The following IGSF10 variants were observed in gnomAD, a reference collection of about 807,000 sequenced individuals.
IGSF10 encodes immunoglobulin superfamily member 10, also known as calvaria mechanical force protein 608.
In IGSF10, 126 loss-of-function variants were observed where a neutral mutation model predicts 128.2. The observed-to-expected ratio is 0.98, with a 90% CI of 0.85 to 1.14. The LOEUF (loss-of-function observed/expected upper bound fraction) is 1.14. IGSF10 is among the 50% of genes most tolerant of loss of function. IGSF10 has a pLI of 0.00. For missense variants in IGSF10, 3,295 were observed against 3,149.8 expected (o/e 1.05, Z -1.10); for synonymous variants, 1,185 against 1,146.2 (o/e 1.03, Z -0.68).
chr3:151,501,382 A>G, the IGSF10 span, among the ~76,000 whole-genome samples: 1 of 151,972 alleles, frequency 6.6e-6, no homozygotes. Context: ...AGGGATCATC[A>G]TAACATTTAA....
rs762243774 is a variant in IGSF10, at chr3:151,438,177, A to G, written c.6384T>C (p.Asp2128=). The change falls in exon 8 of 8, where the codon GAT becomes GAC. Residue 2128 remains aspartate (D), a synonymous_variant. Transcript: ENST00000282466. The part of the protein sequence containing the change: ...TCYAQNTLGK[D]EMKVHLTVIT... ...TAACTGTTAAGTGGACCTTCATTTC[A>G]TCTTTCCCTAGGGTGTTCTGGGCAT... 6 of 1,613,962 alleles carry G rather than the reference A, an allele frequency of 3.7e-6. No homozygotes were observed. The African/African-American group carries it at 4.0e-5, about 11-fold the overall frequency.
At position 151,437,630 on chromosome 3, in the gene IGSF10, A is replaced by C. The variant is rs751857689; in HGVS notation, c.6931T>G (p.Phe2311Val). ...CCTTCATTTCGGGCCACACAGATAA[A>C]GTCGGCTGAATCTGAAAGCCTCACA... is the stretch of plus-strand genomic sequence containing the variant. ...RNVRLSDSAD[F>V]ICVARNEGGE... The change falls in exon 8 of 8, where the codon TTT (phenylalanine) becomes GTT (valine). Residue 2311 changes from phenylalanine (F) to valine (V), a missense_variant. Transcript: ENST00000282466. The C allele has an allele frequency of 1.8e-5, 29 of 1,614,098 alleles. No homozygotes were observed. Among genetic ancestry groups the C allele is most frequent in the Non-Finnish European group, 2.4e-5 (28 of 1,180,048 alleles).
chr3:151,465,503 G>T (rs1722248949), upstream of IGSF10, among the ~76,000 whole-genome samples: 1 of 152,204 alleles, frequency 6.6e-6, no homozygotes, highest in East Asian at 1.9e-4. Flanking sequence ...TTAAGCCTGG[G>T]TAGGAGATGC....
chr3:151,453,067 C>CACCA (rs911500906), intron 5 of IGSF10, among the ~76,000 whole-genome samples: 3 of 151,960 alleles, frequency 2.0e-5, no homozygotes, highest in African/African-American at 7.3e-5. Flanking sequence ...GATAGGCCAG[C>CACCA]ACCACACTAT....
intron 3 of IGSF10, 31 bp downstream of exon 3, chr3:151,458,485 T>C: frequency 6.4e-7 from 1 of 1,554,716 alleles, no homozygotes; most frequent in Non-Finnish European, 8.8e-7. Flanking sequence ...TGATCCCTCT[T>C]TGAGAAGAGG....
chr3:151,454,804 G>A (rs1038549998), intron 4 of IGSF10, among the ~76,000 whole-genome samples: 3 of 151,914 alleles, frequency 2.0e-5, no homozygotes, highest in African/African-American at 7.3e-5. Context: ...GACCAGCCTA[G>A]CCAACATGAC....
chr3:151,601,872 G>T, the IGSF10 span, among the ~76,000 whole-genome samples: 1 of 152,166 alleles, frequency 6.6e-6, no homozygotes, highest in Non-Finnish European at 1.5e-5. Context: ...ATGTCTCCAT[G>T]GGGCAGTTAG....
chr3:151,546,045 A>AT, the IGSF10 span, among the ~76,000 whole-genome samples: 1 of 151,584 alleles, frequency 6.6e-6, no homozygotes, highest in South Asian at 2.1e-4. Flanking sequence ...GTGGCCACAA[A>AT]AAAAAAAAAA....
intron 4 of IGSF10, among the ~76,000 whole-genome samples, chr3:151,455,355 G>C (rs1721734956): frequency 6.6e-6 from 1 of 151,120 alleles, no homozygotes; most frequent in East Asian, 2.0e-4. Context: ...CAGGTGATCT[G>C]CCCCCCCTTG....
chr3:151,440,981 A>C lies in IGSF10; in HGVS notation c.5963+2003T>G, dbSNP rs546660435. 4.4e-3 allele frequency among the ~76,000 whole-genome samples: 669 copies of C among 152,362 alleles called. 6 individuals carry two copies. The highest frequency in any genetic ancestry group is 0.015 in the African/African-American group (635 of 41,582). ...AAACCCACTCTTTAAAAAACTTCCCAGCTAACATAAATAATTAAGTTTGAA... is the reference window on the plus strand; with the variant it reads ...AAACCCACTCTTTAAAAAACTTCCCCGCTAACATAAATAATTAAGTTTGAA... On this transcript the variant is annotated intron_variant, in intron 7 of 7. Coordinates refer to ENST00000282466, the MANE Select transcript of IGSF10 (RefSeq NM_178822.5).
the IGSF10 span, among the ~76,000 whole-genome samples, chr3:151,537,346 G>C: frequency 2.0e-5 from 3 of 152,166 alleles, no homozygotes; most frequent in Non-Finnish European, 4.4e-5. Flanking sequence ...TTCCCCTGAA[G>C]TCTGAAGAGA....
upstream of IGSF10, among the ~76,000 whole-genome samples, chr3:151,464,039 T>G (rs1313944766): frequency 6.6e-6 from 1 of 152,186 alleles, no homozygotes; most frequent in African/African-American, 2.4e-5. Context: ...TCAATGATAA[T>G]GACTTTATTT....
At chr3:151,585,107 C>T in the IGSF10 span, among the ~76,000 whole-genome samples, 1 of 152,292 alleles carries the variant, frequency 6.6e-6, no homozygotes. Context: ...CCGCTAGCCA[C>T]ATGTGGCTGT....
the IGSF10 span, among the ~76,000 whole-genome samples, chr3:151,501,168 T>C: frequency 6.6e-6 from 1 of 152,046 alleles, no homozygotes; most frequent in Non-Finnish European, 1.5e-5. Flanking sequence ...GCTTACACCA[T>C]TGGAAATGAT....
chr3:151,458,121 A>ATATG (rs953979993), intron 3 of IGSF10, among the ~76,000 whole-genome samples: 2 of 151,354 alleles, frequency 1.3e-5, no homozygotes, highest in Non-Finnish European at 2.9e-5. Flanking sequence ...ATATATATAT[A>ATATG]TATGTATGTA....
At chr3:151,436,199 C>CTTAT (rs1553826840), downstream of IGSF10, 1 of 153,738 alleles carries the variant, frequency 6.5e-6, no homozygotes, top group African/African-American at 2.4e-5. Flanking sequence ...CAGTTCAGTG[C>CTTAT]TTATTTTCTG....
At chr3:151,482,695 T>C in the IGSF10 span, among the ~76,000 whole-genome samples, 3 of 152,206 alleles carry the variant, frequency 2.0e-5, no homozygotes, top group Non-Finnish European at 4.4e-5. Context: ...ATTAAGATTA[T>C]AGGTTCCAAA....
At chr3:151,461,354 C>T, upstream of IGSF10, 5 of 985,374 alleles carry the variant, frequency 5.1e-6, no homozygotes, top group South Asian at 4.7e-5. Context: ...ACGTAAATCG[C>T]CGCAGGCTGT....
At chr3:151,594,071 G>A in the IGSF10 span, among the ~76,000 whole-genome samples, 1 of 152,228 alleles carries the variant, frequency 6.6e-6, no homozygotes, top group African/African-American at 2.4e-5. Context: ...TCTGCTCTGG[G>A]TTTCAGCTCT....
Sources: allele counts gnomAD v4.1 joint callset (sites outside exome capture counted in the v4.1 genomes callset), GRCh38; gene constraint gnomAD v4.1.1; transcripts MANE v1.5; gene names NCBI Gene and HGNC (gene_info 2026-07-23, HGNC 2026-07-21).